Variants in NLRC5 observed in about 807,000 individuals in gnomAD.
NLRC5 encodes protein NLRC5.
NLRC5 carries 114 observed loss-of-function variants against 206.9 expected under a neutral mutation model. The observed-to-expected ratio is 0.55, with a 90% confidence interval of 0.47 to 0.64. The LOEUF is 0.64. Among genes scored for constraint, NLRC5 ranks in the 30% least tolerant of loss-of-function variants. NLRC5 has a pLI of 0.00. For synonymous variants in NLRC5, 952 were observed against 962.8 expected (o/e 0.99, Z 0.21); for missense variants, 2,008 against 2,305.5 (o/e 0.87, Z 2.64).
rs1178761193 is a variant in NLRC5 at position 57,025,506 on chromosome 16, T to C, written c.563T>C (p.Leu188Ser). ...PPILRRATAS[L>S]DTPEGAIMGD... ...ATCCTGCGCCGGGCCACAGCATCCT[T>C]AGACACTCCGGAGGGGGCCATTATG... Residue 188 changes from leucine to serine, a missense_variant, in exon 6 of 49, where the codon TTA becomes TCA. Physicochemically the swap from Leu to Ser is moderately radical, Grantham distance 145. Coordinates refer to ENST00000688547, the MANE Select transcript of NLRC5 (RefSeq NM_001384950.1). 11 of 1,613,630 alleles carry C rather than the reference T, an allele frequency of 6.8e-6. No individual in the cohort carries two copies. Among genetic ancestry groups the C allele is most frequent in the Non-Finnish European group, 9.3e-6 (11 of 1,179,764 alleles).
At chr16:57,058,248 C>T (rs1455029673) in intron 28 of NLRC5, 100 bp downstream of exon 28, 1 of 1,004,372 alleles carries the variant, frequency 1.0e-6, no homozygotes, top group East Asian at 2.6e-5. Context: ...CCCAGAGCAC[C>T]AGAGGACAAG....
In NLRC5 at chr16:57,025,987, A is replaced by G; in HGVS notation, c.1044A>G (p.Pro348=). 2 of 1,614,006 alleles carry G rather than the reference A, an allele frequency of 1.2e-6. No homozygotes were observed. Among genetic ancestry groups the G allele is most frequent in the Non-Finnish European group, 8.5e-7 (1 of 1,180,020 alleles). The change falls in exon 6 of 49, where the codon CCA becomes CCG. Residue 348 remains proline (P), a synonymous_variant. Transcript: ENST00000688547. ...GCCGGGTGATGGCTACCTCCCGTCCAGGGAAGCTGCCTGCCTGCCTGCCTG... is the reference window on the plus strand; with the variant it reads ...GCCGGGTGATGGCTACCTCCCGTCCGGGGAAGCTGCCTGCCTGCCTGCCTG... The part of the protein sequence containing the change: ...PGCRVMATSR[P]GKLPACLPAE...
chr16:57,079,019 A>G (rs2145126488), intron 43 of NLRC5, 31 bp from the exon 44 acceptor site: 1 of 1,599,102 alleles, frequency 6.3e-7, no homozygotes, highest in Non-Finnish European at 8.6e-7. Context: ...CCAGTCCCTC[A>G]GGCTCCTCTC....
Position 57,033,897 on chromosome 16 carries a change from G to A in NLRC5, c.2543+228G>A, listed in dbSNP as rs1312905946. ...ATGGAACCGGCTATCTATATGCCGGGCATTGCACTAGATGTTTTACATCCA... is the reference window on the plus strand; with the variant it reads ...ATGGAACCGGCTATCTATATGCCGGACATTGCACTAGATGTTTTACATCCA... On this transcript the variant is annotated intron_variant, in intron 12 of 48. Transcript: ENST00000688547. Among the ~76,000 whole-genome samples, 5 of 152,292 alleles carry A rather than the reference G, an allele frequency of 3.3e-5. No individual in the cohort carries two copies. The East Asian group carries it at 9.6e-4, about 29-fold the overall frequency.
intron 27 of NLRC5, among the ~76,000 whole-genome samples, chr16:57,056,047 G>C (rs1183247): frequency 0.68 from 102,837 of 152,112 alleles, 36,501 homozygotes; most frequent in African/African-American, 0.91. Flanking sequence ...TTCTTTTTAT[G>C]TTTCCCATAT....
intron 1 of NLRC5, among the ~76,000 whole-genome samples, chr16:57,005,755 C>CA (rs2058825504): frequency 6.6e-6 from 1 of 151,674 alleles, no homozygotes; most frequent in Non-Finnish European, 1.5e-5. Flanking sequence ...CCCATCTCTG[C>CA]AAAAAACACA....
chr16:57,054,639 C>T, intron 24 of NLRC5, 112 bp from the exon 25 acceptor site: 2 of 820,162 alleles, frequency 2.4e-6, no homozygotes, highest in South Asian at 2.8e-5. Flanking sequence ...TGCCTGCTTC[C>T]CTATTGCCTT....
At chr16:57,079,353 G>A (rs2068840668) in intron 45 of NLRC5, 61 bp downstream of exon 45, 3 of 1,577,698 alleles carry the variant, frequency 1.9e-6, no homozygotes, top group African/African-American at 1.3e-5. Flanking sequence ...GCCCTTCTCT[G>A]ACTGAGCCTA....
Position 57,083,004 on chromosome 16 carries a change from C to A in NLRC5, c.*476C>A, listed in dbSNP as rs145509148. On this transcript the variant is annotated 3_prime_UTR_variant, in exon 49 of 49. Transcript: ENST00000688547. ...AGATGACCTCAGGCTGGCCCAAGAT[C>A]TAATTTATTAATTTTTAAAGCAAAT... 1,007 of 153,172 alleles carry A rather than the reference C, an allele frequency of 6.6e-3. 10 individuals are homozygous for A. The highest frequency in any genetic ancestry group is 0.018 in the African/African-American group (734 of 41,584). The allele number at this position is 153,172 out of a possible 1,614,324, so 9.5% of individuals were successfully genotyped here.
At chr16:57,028,932 G>T (rs567309249) in intron 8 of NLRC5, among the ~76,000 whole-genome samples, 118 of 152,270 alleles carry the variant, frequency 7.7e-4, no homozygotes, top group African/African-American at 2.7e-3. Context: ...CCTGTGTCTG[G>T]GACTCAGTAC....
At chr16:57,074,578 C>A in intron 38 of NLRC5, 22 bp from the exon 39 acceptor site, 1 of 1,612,314 alleles carries the variant, frequency 6.2e-7, no homozygotes, top group Non-Finnish European at 8.5e-7. Flanking sequence ...ATGTCAAGTT[C>A]ACCTGGCCTC....
intron 36 of NLRC5, 123 bp from the exon 37 acceptor site, chr16:57,069,710 AAGG>A: frequency 1.4e-6 from 1 of 728,086 alleles, no homozygotes. Context: ...TTACGAAGGG[AAGG>A]AGGTCTCCTC....
At chr16:57,047,758 G>A in intron 23 of NLRC5, 130 bp downstream of exon 23, 3 of 770,426 alleles carry the variant, frequency 3.9e-6, no homozygotes, top group Non-Finnish European at 4.4e-6. Flanking sequence ...CCCCATGAGA[G>A]TCCCCTGGCC....
chr16:57,007,601 G>A (rs760908234), intron 1 of NLRC5, among the ~76,000 whole-genome samples: 11 of 151,858 alleles, frequency 7.2e-5, no homozygotes, highest in Non-Finnish European at 1.2e-4. Flanking sequence ...ATGGTGGCTC[G>A]TGCCTGTAAT....
In NLRC5 at chr16:57,020,911, G is replaced by A. The variant is rs777656667; in HGVS notation, c.199G>A (p.Asp67Asn). The A allele has an allele frequency of 1.2e-6, 2 of 1,614,012 alleles. No homozygotes were observed. Among genetic ancestry groups the A allele is most frequent in the South Asian group, 2.2e-5 (2 of 91,080 alleles). ...QLNKLHVQGS[D>N]TWQSFIHCVC... ...CAACAAGCTGCATGTCCAGGGTTCG[G>A]ACACCTGGCAGTCTTTCATTCATTG... The change falls in exon 3 of 49, where the codon GAC becomes AAC. Residue 67 changes from aspartate to asparagine, a missense_variant. Physicochemically the swap from Asp to Asn is conservative, Grantham distance 23 (BLOSUM62 1). Coordinates refer to ENST00000688547, the MANE Select transcript of NLRC5 (RefSeq NM_001384950.1).
intron 8 of NLRC5, 136 bp downstream of exon 8, chr16:57,028,521 G>T: frequency 2.9e-6 from 2 of 687,690 alleles, no homozygotes; most frequent in South Asian, 3.4e-5. Flanking sequence ...GAAGGCATCA[G>T]TCCAAGTACT....
At chr16:57,050,930 G>C (rs995843693) in intron 23 of NLRC5, among the ~76,000 whole-genome samples, 2 of 152,102 alleles carry the variant, frequency 1.3e-5, no homozygotes, top group African/African-American at 4.8e-5. Flanking sequence ...TTGGCTCACT[G>C]CAACCTCTGC....
At chr16:57,055,327 G>A in intron 26 of NLRC5, 106 bp from the exon 27 acceptor site, 1 of 1,103,806 alleles carries the variant, frequency 9.1e-7, no homozygotes, top group Admixed American at 2.0e-5. Context: ...AGCTTGAGTG[G>A]AGACCCACCT....
chr16:57,008,906 C>T (rs1255686905), intron 1 of NLRC5, among the ~76,000 whole-genome samples: 2 of 151,984 alleles, frequency 1.3e-5, no homozygotes, highest in South Asian at 2.1e-4. Context: ...ATTTGTTTTT[C>T]AAACATAAGA....
Sources: allele counts gnomAD v4.1 joint callset (sites outside exome capture counted in the v4.1 genomes callset), GRCh38; gene constraint gnomAD v4.1.1; transcripts MANE v1.5; gene names NCBI Gene and HGNC (gene_info 2026-07-23, HGNC 2026-07-21).